SERINC2: variants seen among roughly 807,000 people sequenced by gnomAD.
The protein encoded by SERINC2 is tumor differentially expressed protein 2.
SERINC2 carries 56 observed loss-of-function variants against 54.2 expected under a neutral mutation model. The observed-to-expected ratio is 1.03, with a 90% confidence interval of 0.83 to 1.29. SERINC2 has a LOEUF of 1.29. SERINC2 is among the 50% of genes most tolerant of loss of function. The pLI is 0.00. For synonymous variants in SERINC2, 272 were observed against 253.1 expected, an observed-to-expected ratio of 1.07 and a Z score of -0.71; for missense variants, 614 against 607.4, an observed-to-expected ratio of 1.01 and a Z score of -0.12.
chr1:31,433,358 C>A (rs1641379149), intron 9 of SERINC2, among the ~76,000 whole-genome samples, 173 bp downstream of exon 9: 1 of 152,164 alleles, frequency 6.6e-6, no homozygotes. Flanking sequence ...GTTTCCCCAA[C>A]AGTGCCTTCA....
In SERINC2 at chr1:31,433,111, CA is replaced by C; in HGVS notation, c.1159del (p.Ser387AlafsTer17). 1.2e-6 allele frequency: 2 copies of C among 1,613,762 alleles called. No individual in the cohort carries two copies. Among genetic ancestry groups the C allele is most frequent in the Non-Finnish European group, 1.7e-6 (2 of 1,180,028 alleles). On this transcript the variant is annotated frameshift_variant, in exon 9 of 10. Transcript: ENST00000373709. LOFTEE classifies it high-confidence loss of function. ...ACAACGAGCAGGACGGCGTCACCTA[CA>C]GCTACTCCTTCTTCCACTTCTGCCT... The part of the protein sequence containing the change: ...FDNEQDGVTY[S>X]YSFFHFCLVL...
chr1:31,426,318 T>TTTGGTTTCCACACCTCCCTAGAC (rs1641040231), intron 5 of SERINC2, among the ~76,000 whole-genome samples: 1 of 152,250 alleles, frequency 6.6e-6, no homozygotes, highest in Admixed American at 6.5e-5. Context: ...CTGGGTGCTG[T>TTTGGTTTCCACACCTCCCTAGAC]TTGGTTTCCA....
chr1:31,431,302 ATTTTTT>A (rs113450135), intron 8 of SERINC2, among the ~76,000 whole-genome samples: 1 of 143,592 alleles, frequency 7.0e-6, no homozygotes, highest in Non-Finnish European at 1.5e-5. Flanking sequence ...TTAAAAAAAC[ATTTTTT>A]TTTTTTTTGT....
At chr1:31,431,942 G>C (rs1570066912) in intron 8 of SERINC2, among the ~76,000 whole-genome samples, 2 of 127,774 alleles carry the variant, frequency 1.6e-5, no homozygotes, top group Non-Finnish European at 3.5e-5. Flanking sequence ...AGGGTGGTTA[G>C]GGTGGTTAGG....
Position 31,426,688 on chromosome 1 carries a change from G to A in SERINC2, c.645G>A (p.Leu215=). The A allele has an allele frequency of 2.5e-6, 4 of 1,613,184 alleles. No individual in the cohort carries two copies. Among genetic ancestry groups the A allele is most frequent in the Non-Finnish European group, 3.4e-6 (4 of 1,179,262 alleles). The change falls in exon 6 of 10, where the codon CTG becomes CTA. Residue 215 remains leucine (L), a synonymous_variant. Coordinates refer to ENST00000373709, the MANE Select transcript of SERINC2 (RefSeq NM_178865.5). The part of the protein sequence containing the change: ...LFFFTLLFYL[L]SIAAVALMFM... ...TCTTCACTCTCCTCTTCTACTTGCT[G>A]TCGATCGCGGCCGTGGCGCTGATGT...
intron 9 of SERINC2, 93 bp downstream of exon 9, chr1:31,433,278 T>A (rs543930015): frequency 8.3e-6 from 9 of 1,088,826 alleles, no homozygotes; most frequent in Non-Finnish European, 1.2e-5. Context: ...TTTCCTGATG[T>A]CTGCTTAAGG....
intron 1 of SERINC2, among the ~76,000 whole-genome samples, chr1:31,419,396 T>C (rs1214925410): frequency 6.6e-6 from 1 of 152,242 alleles, no homozygotes; most frequent in Non-Finnish European, 1.5e-5. Context: ...TATTTGTAAA[T>C]TTAACTTAAT....
intron 1 of SERINC2, among the ~76,000 whole-genome samples, chr1:31,422,608 A>C (rs566043284): frequency 6.6e-6 from 1 of 152,204 alleles, no homozygotes; most frequent in South Asian, 2.1e-4. Flanking sequence ...TGATTTGTTT[A>C]GTGTTTTTCC....
upstream of SERINC2, chr1:31,413,113 C>A: frequency 1.2e-5 from 12 of 1,001,172 alleles, no homozygotes; most frequent in South Asian, 4.6e-5. The surrounding 1 kb of genome is among the most constrained non-coding windows in gnomAD (Gnocchi z 5.0). Flanking sequence ...TCTGGGGAGG[C>A]CCCGAGCGCC....
intron 8 of SERINC2, among the ~76,000 whole-genome samples, chr1:31,432,568 T>C (rs1483037401): frequency 6.6e-6 from 1 of 152,178 alleles, no homozygotes; most frequent in Non-Finnish European, 1.5e-5. Context: ...GGTATGGTAC[T>C]TTGTAGTATT....
rs1557504720 is a variant in SERINC2 at position 31,434,212 on chromosome 1, G to A, written c.*13G>A. 3 of 1,610,564 alleles carry A rather than the reference G, an allele frequency of 1.9e-6. No homozygotes were observed. In the Admixed American group the frequency reaches 5.0e-5, roughly 27 times the overall value. On this transcript the variant is annotated 3_prime_UTR_variant, in exon 10 of 10. Transcript: ENST00000373709. ...CGACTTCAGCTGAGGCAGCCTCACA[G>A]CCTGCCATCTGGTGCCTCCTGCCAC...
intron 1 of SERINC2, among the ~76,000 whole-genome samples, chr1:31,420,683 GCTTA>G (rs1553132676): frequency 2.0e-5 from 3 of 152,198 alleles, no homozygotes; most frequent in African/African-American, 7.2e-5. Context: ...CAGCTCCTCA[GCTTA>G]CTTGCTGTGT....
In SERINC2 at chr1:31,413,351, C is replaced by A; in HGVS notation, c.39+47C>A. 9.7e-7 allele frequency: 1 copy of A among 1,032,282 alleles called. No individual in the cohort carries two copies. Among genetic ancestry groups the A allele is most frequent in the Non-Finnish European group, 1.2e-6 (1 of 803,108 alleles). 63.9% of individuals were successfully genotyped at this position (1,032,282 alleles called of 1,614,324 possible). A position where few individuals can be genotyped will look rare whatever the true frequency, so the allele number is the denominator to read the frequency against. On this transcript the variant is annotated intron_variant, in intron 1 of 9. Coordinates refer to ENST00000373709, the MANE Select transcript of SERINC2 (RefSeq NM_178865.5). This position sits in a 1 kb window ranked among gnomAD's most constrained non-coding sequence, Gnocchi z 5.0. ...CGCCCGCGCGCGCCGCCCGTTCCTG[C>A]TGCGGGCCCTCACTTTCTTCTGTTC...
upstream of SERINC2, chr1:31,410,046 C>G: frequency 1.0e-6 from 1 of 972,554 alleles, no homozygotes; most frequent in Non-Finnish European, 1.5e-6. Flanking sequence ...GTGATGGGCA[C>G]AGGGCAATGG....
At chr1:31,429,631 A>C in intron 8 of SERINC2, 93 bp downstream of exon 8, 2 of 1,350,234 alleles carry the variant, frequency 1.5e-6, no homozygotes, top group Non-Finnish European at 2.0e-6. Context: ...ACCAAACTGG[A>C]ACGTGCTCTT....
chr1:31,413,834 GTGTCCGTCGTTCGTCCGACTGTCTT>G lies in SERINC2; in HGVS notation c.39+539_39+563del. The G allele has an allele frequency of 7.1e-7, 1 of 1,409,240 alleles. No homozygotes were observed. 87.3% of individuals were successfully genotyped at this position (1,409,240 alleles called of 1,614,324 possible). A position where few individuals can be genotyped will look rare whatever the true frequency, so the allele number is the denominator to read the frequency against. ...GTTCGTATTTGTCTGGTTCCTGTCT[GTGTCCGTCGTTCGTCCGACTGTCTT>G]TGTCCGTCTGCTGTCTTCTGTCCGT... On this transcript the variant is annotated intron_variant, in intron 1 of 9. Transcript: ENST00000373709. The surrounding 1 kb of genome is among the most constrained non-coding windows in gnomAD (Gnocchi z 5.0).
At chr1:31,431,795 A>ATAGGGTGGATAGGGTGGATAGGGTGGT (rs1641221138) in intron 8 of SERINC2, among the ~76,000 whole-genome samples, 1 of 49,710 alleles carries the variant, frequency 2.0e-5, no homozygotes, top group Non-Finnish European at 6.5e-5. Flanking sequence ...GATAGGGTGG[A>ATAGGGTGGATAGGGTGGATAGGGTGGT]TAGGGTGGAC....
At chr1:31,415,705 A>G (rs1248546748) in intron 1 of SERINC2, among the ~76,000 whole-genome samples, 2 of 152,206 alleles carry the variant, frequency 1.3e-5, no homozygotes, top group African/African-American at 4.8e-5. Flanking sequence ...GTTGGGCACT[A>G]CTGGACACCA....
chr1:31,413,903 G>GTCCGTCCGTCCC lies in SERINC2; in HGVS notation c.39+602_39+603insGTCCGTCCCTCC. ...TGTCCGTCTGCCCGTCCGCCCGTCC[G>GTCCGTCCGTCCC]TCCCTCAGTCTCTCTGCGGTCCCTT... On this transcript the variant is annotated intron_variant, in intron 1 of 9. Transcript: ENST00000373709. The surrounding 1 kb of genome is among the most constrained non-coding windows in gnomAD (Gnocchi z 5.0). 3.4e-6 allele frequency: 5 copies of GTCCGTCCGTCCC among 1,454,946 alleles called. No homozygotes were observed. The highest frequency in any genetic ancestry group is 1.4e-5 in the South Asian group (1 of 71,474). The allele number at this position is 1,454,946 out of a possible 1,614,324, so 90.1% of individuals were successfully genotyped here.
Sources: allele counts gnomAD v4.1 joint callset (sites outside exome capture counted in the v4.1 genomes callset), GRCh38; gene constraint gnomAD v4.1.1; non-coding constraint Gnocchi (gnomAD v3.1); transcripts MANE v1.5; gene names NCBI Gene and HGNC (gene_info 2026-07-23, HGNC 2026-07-21).